DNAH12: variants seen among roughly 807,000 people sequenced by gnomAD.
DNAH12 encodes the protein axonemal beta dynein heavy chain 12.
In DNAH12, 285 loss-of-function variants were observed where a neutral mutation model predicts 371.5. The observed-to-expected ratio is 0.77, with a 90% CI of 0.70 to 0.85. DNAH12 has a LOEUF of 0.85. Ranked by LOEUF, DNAH12 falls within the 40% of genes least tolerant of loss-of-function variation. DNAH12 has a pLI of 0.00. For missense variants in DNAH12, 3,611 were observed against 3,689.4 expected, an observed-to-expected ratio of 0.98 and a Z score of 0.55; for synonymous variants, 1,200 against 1,213.0, an observed-to-expected ratio of 0.99 and a Z score of 0.22.
intron 45 of DNAH12, among the ~76,000 whole-genome samples, chr3:57,390,424 A>AAAAAAAAAAAAAAAAAAATATATATATAT: frequency 1.5e-4 from 5 of 33,438 alleles, no homozygotes; most frequent in Non-Finnish European, 3.5e-4. Flanking sequence ...AAAAAAAAAA[A>AAAAAAAAAAAAAAAAAAATATATATATAT]ATATATATAT....
rs1177218993 is a variant in DNAH12, at chr3:57,293,975, G to T, written c.11693-4C>A. The T allele has an allele frequency of 6.6e-6, 7 of 1,060,056 alleles. No individual in the cohort carries two copies. The highest frequency in any genetic ancestry group is 2.4e-5 in the South Asian group (1 of 41,168). The allele number at this position is 1,060,056 out of a possible 1,614,324, so 65.7% of individuals were successfully genotyped here. A position where few individuals can be genotyped will look rare whatever the true frequency, so the allele number is the denominator to read the frequency against. On this transcript the variant is annotated splice_region_variant and splice_polypyrimidine_tract_variant and intron_variant, in intron 73 of 73. Coordinates refer to ENST00000495027, the MANE Select transcript of DNAH12 (RefSeq NM_001366028.2). ...TTTATAATCCGAGATTTTTGAGCTTGAAAAAAAAAAAGAAATATATTCACT... is the reference window on the plus strand; with the variant it reads ...TTTATAATCCGAGATTTTTGAGCTTTAAAAAAAAAAAGAAATATATTCACT...
At chr3:57,550,456 T>C in the DNAH12 span, among the ~76,000 whole-genome samples, 1 of 152,166 alleles carries the variant, frequency 6.6e-6, no homozygotes, top group African/African-American at 2.4e-5. Flanking sequence ...AGTTTTTAAA[T>C]TTTTTCTCCA....
At chr3:57,330,837 C>T (rs772029223) in intron 62 of DNAH12, among the ~76,000 whole-genome samples, 2 of 152,100 alleles carry the variant, frequency 1.3e-5, no homozygotes, top group Non-Finnish European at 1.5e-5. Context: ...AGCCTGCCAG[C>T]TTACCATGCA....
rs782654263 is a variant in DNAH12 at position 57,408,271 on chromosome 3, T to C, written c.6276+9A>G. ...ATACTAAAACATTTACATTGCATTA[T>C]TGACTGACCTCCATAGTCCCATTGA... On this transcript the variant is annotated intron_variant, in intron 40 of 73. Transcript: ENST00000495027. 2.7e-5 allele frequency: 41 copies of C among 1,525,466 alleles called. No homozygotes were observed. The South Asian group carries it at 3.8e-4, about 14-fold the overall frequency. The allele number at this position is 1,525,466 out of a possible 1,614,324, so 94.5% of individuals were successfully genotyped here. A position where few individuals can be genotyped will look rare whatever the true frequency, so the allele number is the denominator to read the frequency against.
At chr3:57,485,912 C>T (rs1202005596) in intron 12 of DNAH12, among the ~76,000 whole-genome samples, 3 of 151,940 alleles carry the variant, frequency 2.0e-5, no homozygotes, top group Non-Finnish European at 4.4e-5. Context: ...ACTAAAATCT[C>T]AGAAATCACC....
At chr3:57,393,953 A>G (rs2063685897) in intron 44 of DNAH12, among the ~76,000 whole-genome samples, 1 of 152,220 alleles carries the variant, frequency 6.6e-6, no homozygotes, top group Non-Finnish European at 1.5e-5. Context: ...ACAAACTGCC[A>G]TTATGATGAA....
chr3:57,495,812 ATATATATT>A (rs1051936491), intron 11 of DNAH12, among the ~76,000 whole-genome samples: 5 of 143,420 alleles, frequency 3.5e-5, no homozygotes, highest in East Asian at 2.0e-4. Flanking sequence ...CCTTGATTTT[ATATATATT>A]TATATATTTA....
intron 60 of DNAH12, among the ~76,000 whole-genome samples, chr3:57,336,296 G>A (rs1553653682): frequency 1.3e-5 from 2 of 152,188 alleles, no homozygotes; most frequent in Non-Finnish European, 2.9e-5. Context: ...GGTCTTAGAT[G>A]TAGATGTAGA....
chr3:57,431,101 G>C (rs1304777869), intron 32 of DNAH12, among the ~76,000 whole-genome samples: 1 of 152,130 alleles, frequency 6.6e-6, no homozygotes, highest in Non-Finnish European at 1.5e-5. Context: ...TCTTTGACCA[G>C]ATTATTTCAG....
chr3:57,411,189 C>G (rs1170489139), intron 39 of DNAH12, among the ~76,000 whole-genome samples: 1 of 151,818 alleles, frequency 6.6e-6, no homozygotes, highest in African/African-American at 2.4e-5. Context: ...AATTCAATCA[C>G]CTTTTTACAT....
intron 12 of DNAH12, among the ~76,000 whole-genome samples, chr3:57,485,405 T>C (rs1353050935): frequency 8.4e-6 from 1 of 118,412 alleles, no homozygotes; most frequent in Non-Finnish European, 2.0e-5. Flanking sequence ...GAGGCCATTA[T>C]TCTTTTTTTT....
rs549937921 is a variant in DNAH12, at chr3:57,537,962, C to T, written c.170+4739G>A. Among the ~76,000 whole-genome samples, 40 of 152,208 alleles carry T rather than the reference C, an allele frequency of 2.6e-4. No individual in the cohort carries two copies. In the South Asian group the frequency reaches 7.5e-3, roughly 28 times the overall value. On this transcript the variant is annotated intron_variant, in intron 2 of 73. Coordinates refer to ENST00000495027, the MANE Select transcript of DNAH12 (RefSeq NM_001366028.2). ...CCTCCCAAAGTGCTGGGATTACAGGCGTGAGCCACCACGCCCGGCTGAAAG... is the reference window on the plus strand; with the variant it reads ...CCTCCCAAAGTGCTGGGATTACAGGTGTGAGCCACCACGCCCGGCTGAAAG...
At chr3:57,367,441 T>C (rs1393698076) in intron 56 of DNAH12, among the ~76,000 whole-genome samples, 2 of 152,358 alleles carry the variant, frequency 1.3e-5, no homozygotes, top group Non-Finnish European at 2.9e-5. Flanking sequence ...TTTCTCTGGT[T>C]GTCATAGAGC....
chr3:57,445,888 T>C, intron 27 of DNAH12, 143 bp downstream of exon 27: 2 of 701,224 alleles, frequency 2.9e-6, no homozygotes, highest in South Asian at 2.6e-5. Context: ...CTCGGGAGAC[T>C]GAGGCAAGAG....
chr3:57,315,958 A>C (rs759820004), intron 65 of DNAH12, among the ~76,000 whole-genome samples: 6 of 152,192 alleles, frequency 3.9e-5, no homozygotes, highest in Middle Eastern at 3.2e-3. Flanking sequence ...GTCTGAACTC[A>C]CAAAGAACTA....
intron 62 of DNAH12, among the ~76,000 whole-genome samples, chr3:57,328,426 A>C (rs1394108721): frequency 7.4e-6 from 1 of 135,440 alleles, no homozygotes; most frequent in Non-Finnish European, 1.6e-5. Context: ...CAATAAATGT[A>C]ATCCAGCATA....
At position 57,461,578 on chromosome 3, in the gene DNAH12, C is replaced by T. The variant is rs1234505904; in HGVS notation, c.2647G>A (p.Glu883Lys). The change falls in exon 19 of 74, where the codon GAG becomes AAG. Residue 883 changes from glutamate to lysine, a missense_variant. By Grantham distance (56) the Glu-to-Lys change is moderately conservative. Around this residue, in one of 3 missense-constraint regions of DNAH12, gnomAD observed 1,314 missense variants for 1,398.7 expected, o/e 0.94. Coordinates refer to ENST00000495027, the MANE Select transcript of DNAH12 (RefSeq NM_001366028.2). ...TGVCILSSVD[E>K]IQAILDDQII... ...TGATCATCAAGGATGGCCTGAATCT[C>T]ATCCACCGAAGAAAGAATACAGACT... 2 of 1,551,242 alleles carry T rather than the reference C, an allele frequency of 1.3e-6. No homozygotes were observed. The highest frequency in any genetic ancestry group is 2.0e-5 in the Admixed American group (1 of 50,974).
At chr3:57,379,402 G>A (rs2063341650) in intron 51 of DNAH12, 104 bp from the exon 52 acceptor site, 1 of 152,136 alleles carries the variant, frequency 6.6e-6, no homozygotes, top group East Asian at 1.9e-4. Context: ...AAAAGTTAAT[G>A]TTGGCTTTAA....
chr3:57,551,513 C>T, the DNAH12 span, among the ~76,000 whole-genome samples: 15 of 151,684 alleles, frequency 9.9e-5, no homozygotes, highest in South Asian at 4.2e-4. Flanking sequence ...CCTCGTGATC[C>T]GCCCGCCTTG....
Sources: allele counts gnomAD v4.1 joint callset (sites outside exome capture counted in the v4.1 genomes callset), GRCh38; gene constraint gnomAD v4.1.1; regional missense constraint gnomAD v4.1.1; transcripts MANE v1.5; gene names NCBI Gene and HGNC (gene_info 2026-07-23, HGNC 2026-07-21).